FTCDNL1: variants seen among roughly 807,000 people sequenced by gnomAD.
The protein encoded by FTCDNL1 is formiminotransferase N-terminal subdomain-containing protein.
A neutral mutation model predicts 5.9 loss-of-function variants in FTCDNL1; 11 were observed. That is an observed-to-expected ratio of 1.87 (90% CI 1.18 to 3.10). The LOEUF (loss-of-function observed/expected upper bound fraction) is 3.10, where lower values mean the gene tolerates loss of function less well. Among genes scored for constraint, FTCDNL1 ranks in the 30% most tolerant of loss-of-function variants. The probability of loss-of-function intolerance (pLI) is 0.00; values close to 1 mark genes in which losing one functional copy is unlikely to be tolerated. For missense variants in FTCDNL1, 115 were observed against 65.5 expected, an observed-to-expected ratio of 1.76 and a Z score of -2.61; for synonymous variants, 58 against 24.8, an observed-to-expected ratio of 2.34 and a Z score of -3.99.
At chr2:199,809,152 A>G (rs1413754715), downstream of FTCDNL1, among the ~76,000 whole-genome samples, 1 of 152,232 alleles carries the variant, frequency 6.6e-6, no homozygotes, top group Non-Finnish European at 1.5e-5. Flanking sequence ...CAGAATTGGA[A>G]TTCCAGAATA....
the FTCDNL1 span, among the ~76,000 whole-genome samples, chr2:199,737,903 T>C: frequency 5.4e-4 from 83 of 152,302 alleles, no homozygotes; most frequent in Admixed American, 1.0e-3. Context: ...TAGAAGATAT[T>C]TGTATGATAC....
chr2:199,813,015 C>T (rs948478517), intron 4 of FTCDNL1, among the ~76,000 whole-genome samples: 1 of 152,130 alleles, frequency 6.6e-6, no homozygotes, highest in African/African-American at 2.4e-5. Flanking sequence ...TGGATGTAAA[C>T]TCTTTATGCC....
chr2:199,775,983 A>G (rs910089245), intron 3 of FTCDNL1, among the ~76,000 whole-genome samples: 5 of 146,884 alleles, frequency 3.4e-5, no homozygotes, highest in African/African-American at 7.6e-5. Flanking sequence ...GCGCGATATC[A>G]GCTCACTGCA....
intron 3 of FTCDNL1, among the ~76,000 whole-genome samples, chr2:199,824,351 T>C (rs1701889404): frequency 6.6e-6 from 1 of 152,258 alleles, no homozygotes. Context: ...AGGCTTTGGC[T>C]TAAGGAAATG....
At chr2:199,720,855 C>T in the FTCDNL1 span, among the ~76,000 whole-genome samples, 5 of 151,878 alleles carry the variant, frequency 3.3e-5, no homozygotes, top group South Asian at 4.2e-4. Flanking sequence ...TGTAATTTCT[C>T]GAATTAGATT....
At chr2:199,791,466 C>T (rs562289522) in intron 3 of FTCDNL1, among the ~76,000 whole-genome samples, 6 of 152,162 alleles carry the variant, frequency 3.9e-5, no homozygotes, top group East Asian at 3.9e-4. Flanking sequence ...TTAAAAAGCA[C>T]GCAACTGAAT....
At chr2:199,805,653 C>G (rs1400109191), downstream of FTCDNL1, among the ~76,000 whole-genome samples, 1 of 152,042 alleles carries the variant, frequency 6.6e-6, no homozygotes, top group Non-Finnish European at 1.5e-5. Context: ...GCAGCAGAAT[C>G]GCTTGAACCC....
the FTCDNL1 span, among the ~76,000 whole-genome samples, chr2:199,682,421 G>T: frequency 1.3e-5 from 2 of 152,122 alleles, no homozygotes; most frequent in Non-Finnish European, 2.9e-5. Context: ...CATCCTACCA[G>T]TTTTGTTTCT....
chr2:199,851,078 G>A lies in FTCDNL1; in HGVS notation c.-346C>T, dbSNP rs1379872413. On this transcript the variant is annotated 5_prime_UTR_variant, in exon 1 of 5. Transcript: ENST00000420128. ...GTTTGGGAGGGGAGCGGACCTGCGA[G>A]CGCCGAAGGGCGGTGGGGCAGGGCG... 1.3e-5 allele frequency: 2 copies of A among 149,904 alleles called. No individual in the cohort carries two copies. Among genetic ancestry groups the A allele is most frequent in the Non-Finnish European group, 3.0e-5 (2 of 67,196 alleles). The allele number at this position is 149,904 out of a possible 1,614,324, so 9.3% of individuals were successfully genotyped here. A position where few individuals can be genotyped will look rare whatever the true frequency, so the allele number is the denominator to read the frequency against.
At chr2:199,755,459 C>A in the FTCDNL1 span, among the ~76,000 whole-genome samples, 2 of 152,182 alleles carry the variant, frequency 1.3e-5, no homozygotes, top group African/African-American at 4.8e-5. Context: ...ATGCATCTAG[C>A]CTTGAACTCT....
the FTCDNL1 span, among the ~76,000 whole-genome samples, chr2:199,664,779 A>T: frequency 1.1e-4 from 16 of 152,310 alleles, no homozygotes; most frequent in African/African-American, 3.8e-4. Flanking sequence ...TGGTTTTTTT[A>T]AATTTTAATT....
chr2:199,771,214 A>G (rs1046783170), intron 3 of FTCDNL1, among the ~76,000 whole-genome samples: 35 of 152,242 alleles, frequency 2.3e-4, no homozygotes, highest in African/African-American at 7.7e-4. Flanking sequence ...CGAGTCAACT[A>G]TAAGACAATA....
chr2:199,705,711 G>T, the FTCDNL1 span, among the ~76,000 whole-genome samples: 3 of 152,180 alleles, frequency 2.0e-5, no homozygotes, highest in East Asian at 1.9e-4. Context: ...ATTGTGTGTA[G>T]ATGCACTTTA....
the FTCDNL1 span, among the ~76,000 whole-genome samples, chr2:199,728,333 T>C: frequency 2.0e-5 from 3 of 152,030 alleles, no homozygotes; most frequent in African/African-American, 2.4e-5. Context: ...CTGCAACCTC[T>C]GCTCCTGGGT....
chr2:199,728,533 C>A, the FTCDNL1 span, among the ~76,000 whole-genome samples: 3 of 152,130 alleles, frequency 2.0e-5, no homozygotes, highest in African/African-American at 4.8e-5. Context: ...CAGGCGTGAG[C>A]CACCATGCCC....
At chr2:199,699,158 G>A in the FTCDNL1 span, among the ~76,000 whole-genome samples, 1 of 152,214 alleles carries the variant, frequency 6.6e-6, no homozygotes, top group Non-Finnish European at 1.5e-5. Flanking sequence ...GGACCCAATG[G>A]ATTCACAGAT....
At chr2:199,767,897 G>A (rs1698610969) in intron 3 of FTCDNL1, among the ~76,000 whole-genome samples, 1 of 152,158 alleles carries the variant, frequency 6.6e-6, no homozygotes, top group Non-Finnish European at 1.5e-5. Context: ...AATGAGTTTT[G>A]CACAATCTAA....
intron 3 of FTCDNL1, among the ~76,000 whole-genome samples, chr2:199,781,725 C>A (rs1356843664): frequency 6.6e-6 from 1 of 152,080 alleles, no homozygotes; most frequent in African/African-American, 2.4e-5. Flanking sequence ...ATTTGGCAGA[C>A]AAAATGTCAC....
chr2:199,690,967 A>G, the FTCDNL1 span, among the ~76,000 whole-genome samples: 1 of 152,204 alleles, frequency 6.6e-6, no homozygotes, highest in Non-Finnish European at 1.5e-5. Context: ...ACTAATTTTC[A>G]TCAATCAGCT....
Sources: gnomAD v4.1 joint callset for allele counts (sites outside exome capture counted in the v4.1 genomes callset) on GRCh38, gnomAD v4.1.1 for gene constraint, MANE v1.5 for transcripts, NCBI Gene and HGNC (gene_info 2026-07-23, HGNC 2026-07-21) for gene names.